IKZF3: variants seen among roughly 807,000 people sequenced by gnomAD.
The protein encoded by IKZF3 is IKAROS family zinc finger 3.
Under a neutral mutation model 49.0 loss-of-function variants are expected in IKZF3, and 10 were observed. That is an observed-to-expected ratio of 0.20 (90% CI 0.13 to 0.35). The LOEUF is 0.35. Among genes scored for constraint, IKZF3 ranks in the 10% least tolerant of loss-of-function variants. The pLI is 1.00. For synonymous variants in IKZF3, 209 were observed against 228.2 expected, an observed-to-expected ratio of 0.92 and a Z score of 0.76; for missense variants, 498 against 664.8, an observed-to-expected ratio of 0.75 and a Z score of 2.76.
chr17:39,828,271 C>T (rs2062010439), intron 3 of IKZF3, among the ~76,000 whole-genome samples: 1 of 152,148 alleles, frequency 6.6e-6, no homozygotes, highest in African/African-American at 2.4e-5. Context: ...AGATGTATTG[C>T]CTAGTGGTAG....
At chr17:39,802,221 C>CAAAAAAAA (rs56029512) in intron 3 of IKZF3, among the ~76,000 whole-genome samples, 1 of 54,418 alleles carries the variant, frequency 1.8e-5, no homozygotes, top group Non-Finnish European at 3.0e-5. Context: ...GACTCCATCT[C>CAAAAAAAA]AAAAAAAAAA....
At chr17:39,831,413 A>G (rs1287195386) in intron 2 of IKZF3, among the ~76,000 whole-genome samples, 1 of 152,190 alleles carries the variant, frequency 6.6e-6, no homozygotes, top group Non-Finnish European at 1.5e-5. Context: ...ATTACAAGTT[A>G]CAGTAACACA....
At chr17:39,789,909 AAAAAAAG>A (rs1486324752) in intron 5 of IKZF3, among the ~76,000 whole-genome samples, 11 of 151,558 alleles carry the variant, frequency 7.3e-5, no homozygotes, top group Non-Finnish European at 1.5e-4. Context: ...AAAAAAAAAA[AAAAAAAG>A]AGAGAAATAA....
chr17:39,841,295 G>A (rs2062459765), intron 1 of IKZF3, among the ~76,000 whole-genome samples: 1 of 152,136 alleles, frequency 6.6e-6, no homozygotes, highest in Non-Finnish European at 1.5e-5. Flanking sequence ...GCTGGAGCCT[G>A]AGAGGGAATG....
intron 3 of IKZF3, among the ~76,000 whole-genome samples, chr17:39,828,003 C>A (rs552893557): frequency 6.6e-6 from 1 of 152,234 alleles, no homozygotes; most frequent in South Asian, 2.1e-4. Flanking sequence ...CTATACAATT[C>A]TTGCCAAAGA....
rs2143465997 is a variant in IKZF3, at chr17:39,758,484, C to G, written c.*7306G>C. 6.6e-6 allele frequency: 1 copy of G among 152,254 alleles called. No homozygotes were observed. Among genetic ancestry groups the G allele is most frequent in the East Asian group, 1.9e-4 (1 of 5,180 alleles). 9.4% of individuals were successfully genotyped at this position (152,254 alleles called of 1,614,324 possible). A position where few individuals can be genotyped will look rare whatever the true frequency, so the allele number is the denominator to read the frequency against. ...AGAGGAAGAAGCAAAGCGGCACTTA[C>G]AGAGTGTGAGATAGACACAGATCTG... is the stretch of plus-strand genomic sequence containing the variant. On this transcript the variant is annotated 3_prime_UTR_variant, in exon 8 of 8. Coordinates refer to ENST00000346872, the MANE Select transcript of IKZF3 (RefSeq NM_012481.5).
intron 6 of IKZF3, among the ~76,000 whole-genome samples, chr17:39,782,624 T>C (rs889369837): frequency 6.6e-6 from 1 of 152,092 alleles, no homozygotes; most frequent in Non-Finnish European, 1.5e-5. Context: ...ATCTCAGAAA[T>C]GTAAGTGGAG....
intron 3 of IKZF3, among the ~76,000 whole-genome samples, chr17:39,807,725 C>T (rs1432424269): frequency 6.6e-6 from 1 of 151,724 alleles, no homozygotes; most frequent in Non-Finnish European, 1.5e-5. Context: ...ACTACTGATA[C>T]ATGCAGCAAC....
intron 1 of IKZF3, among the ~76,000 whole-genome samples, chr17:39,856,948 T>C (rs2063078774): frequency 6.6e-6 from 1 of 152,166 alleles, no homozygotes; most frequent in Admixed American, 6.5e-5. Context: ...GGTCAGAGGA[T>C]AAATTTATAC....
At chr17:39,805,997 AT>A (rs138278694) in intron 3 of IKZF3, among the ~76,000 whole-genome samples, 1 of 152,034 alleles carries the variant, frequency 6.6e-6, no homozygotes, top group Non-Finnish European at 1.5e-5. Flanking sequence ...TATTTAACTT[AT>A]TTTTTTCCAC....
intron 6 of IKZF3, among the ~76,000 whole-genome samples, chr17:39,783,373 G>GT (rs2060793451): frequency 6.6e-6 from 1 of 152,192 alleles, no homozygotes; most frequent in South Asian, 2.1e-4. Flanking sequence ...CTAGGCTGGA[G>GT]TGCAGTGGCA....
intron 1 of IKZF3, among the ~76,000 whole-genome samples, chr17:39,859,314 A>G (rs2063152380): frequency 6.6e-6 from 1 of 151,516 alleles, no homozygotes; most frequent in Admixed American, 6.6e-5. Flanking sequence ...AATAAATTAT[A>G]ATTATTGTTT....
At chr17:39,788,564 G>A (rs866826791) in intron 5 of IKZF3, among the ~76,000 whole-genome samples, 190 bp from the exon 6 acceptor site, 5 of 152,116 alleles carry the variant, frequency 3.3e-5, no homozygotes, top group Admixed American at 6.6e-5. Flanking sequence ...TAATTATTAC[G>A]TCAGAGTATT....
At chr17:39,799,701 C>T (rs192077788) in intron 3 of IKZF3, among the ~76,000 whole-genome samples, 248 of 152,312 alleles carry the variant, frequency 1.6e-3, no homozygotes, top group Non-Finnish European at 2.5e-3. Flanking sequence ...CATGACTAAT[C>T]ACAGTTCTTC....
intron 1 of IKZF3, among the ~76,000 whole-genome samples, chr17:39,850,132 C>T (rs1253701053): frequency 1.5e-5 from 2 of 137,212 alleles, no homozygotes; most frequent in Non-Finnish European, 3.1e-5. Context: ...TGTATATATA[C>T]TATATAGCAT....
intron 5 of IKZF3, 147 bp downstream of exon 5, chr17:39,791,269 G>T: frequency 1.4e-6 from 1 of 731,546 alleles, no homozygotes; most frequent in Non-Finnish European, 2.2e-6. Context: ...TAATGGTCGT[G>T]TAATTAGCCC....
chr17:39,786,082 A>G (rs1301775034), intron 6 of IKZF3, among the ~76,000 whole-genome samples: 1 of 152,226 alleles, frequency 6.6e-6, no homozygotes, highest in Non-Finnish European at 1.5e-5. Flanking sequence ...ACTGCTAATG[A>G]GCACAGCACT....
intron 1 of IKZF3, among the ~76,000 whole-genome samples, chr17:39,846,725 T>C (rs1386778886): frequency 6.6e-6 from 1 of 152,126 alleles, no homozygotes; most frequent in African/African-American, 2.4e-5. Flanking sequence ...CTAATGGTTA[T>C]AAACTTGCCT....
At chr17:39,851,659 G>A (rs1433506780) in intron 1 of IKZF3, among the ~76,000 whole-genome samples, 1 of 152,036 alleles carries the variant, frequency 6.6e-6, no homozygotes, top group African/African-American at 2.4e-5. Flanking sequence ...GGGGCAAAGG[G>A]GGAAATTAAC....
Sources: allele counts gnomAD v4.1 joint callset (sites outside exome capture counted in the v4.1 genomes callset), GRCh38; gene constraint gnomAD v4.1.1; transcripts MANE v1.5; gene names NCBI Gene and HGNC (gene_info 2026-07-23, HGNC 2026-07-21).